Variants in FBN3 observed in about 807,000 individuals in gnomAD.
FBN3 encodes the protein fibrillin-3.
Under a neutral mutation model 330.1 loss-of-function variants are expected in FBN3, and 234 were observed. The ratio of observed to expected loss-of-function variants is 0.71; its 90% CI spans 0.64 to 0.79. The LOEUF (loss-of-function observed/expected upper bound fraction) is 0.79. Among genes scored for constraint, FBN3 ranks in the 30% least tolerant of loss-of-function variants. The pLI is 0.00. For synonymous variants in FBN3, 1,458 were observed against 1,517.3 expected (o/e 0.96, Z 0.91); for missense variants, 3,606 against 3,886.9 (o/e 0.93, Z 1.92).
chr19:8,140,405 A>G (rs1343580092), intron 8 of FBN3, among the ~76,000 whole-genome samples: 1 of 152,190 alleles, frequency 6.6e-6, no homozygotes, highest in Admixed American at 6.5e-5. Flanking sequence ...CGGAGGTTGC[A>G]GTGAGCCGAG....
At chr19:8,081,850 A>G (rs1353161352) in intron 57 of FBN3, among the ~76,000 whole-genome samples, 1 of 152,140 alleles carries the variant, frequency 6.6e-6, no homozygotes, top group Non-Finnish European at 1.5e-5. Flanking sequence ...ACACAACTGA[A>G]AAATATCAGG....
chr19:8,106,343 T>G, intron 37 of FBN3, 110 bp from the exon 38 acceptor site: 1 of 1,119,372 alleles, frequency 8.9e-7, no homozygotes, highest in Non-Finnish European at 1.3e-6. Context: ...GATCCCCAAG[T>G]GCTGTCCATG....
At chr19:8,116,895 G>C (rs1024186104) in intron 28 of FBN3, 96 bp from the exon 29 acceptor site, 12 of 1,467,248 alleles carry the variant, frequency 8.2e-6, no homozygotes, top group South Asian at 2.6e-5. Flanking sequence ...CTGTAGCCAG[G>C]TGAGGATAGC....
At position 8,066,752 on chromosome 19, in the gene FBN3, G is replaced by A. The variant is rs373786573; in HGVS notation, c.8089-492C>T. On this transcript the variant is annotated intron_variant, in intron 63 of 63. Transcript: ENST00000600128. ...AAATTAGCTGGGCGTGGTGGCGGGCGCCTGTAGTCCCAGCTACTTGGGAGG... is the reference window on the plus strand; with the variant it reads ...AAATTAGCTGGGCGTGGTGGCGGGCACCTGTAGTCCCAGCTACTTGGGAGG... Among the ~76,000 whole-genome samples, 37 of 152,270 alleles carry A rather than the reference G, an allele frequency of 2.4e-4. No individual in the cohort carries two copies. The East Asian group carries it at 6.0e-3, about 25-fold the overall frequency.
intron 63 of FBN3, among the ~76,000 whole-genome samples, chr19:8,068,592 C>T (rs1201552176): frequency 1.3e-5 from 2 of 151,460 alleles, no homozygotes; most frequent in African/African-American, 4.9e-5. Context: ...GTCTCAGCTA[C>T]TTGGGGGATT....
rs1354648475 is a variant in FBN3 at position 8,066,311 on chromosome 19, G to A, written c.8089-51C>T. 3.0e-6 allele frequency: 4 copies of A among 1,340,052 alleles called. No homozygotes were observed. In the African/African-American group the frequency reaches 4.4e-5, roughly 15 times the overall value. The allele number at this position is 1,340,052 out of a possible 1,614,324, so 83.0% of individuals were successfully genotyped here. Reference sequence around the variant, plus strand: ...TCAGAGCCCAGGAGAATCGGGATGTGGTGTGGGTAGGGGGTCCTCGGATTG... The same window carrying A: ...TCAGAGCCCAGGAGAATCGGGATGTAGTGTGGGTAGGGGGTCCTCGGATTG... On this transcript the variant is annotated intron_variant, in intron 63 of 63. Transcript: ENST00000600128.
intron 13 of FBN3, 25 bp downstream of exon 13, chr19:8,135,936 G>GTGCCCCCCCCC: frequency 1.5e-6 from 1 of 668,778 alleles, no homozygotes; most frequent in Non-Finnish European, 2.4e-6. Context: ...GGAAGCCCCT[G>GTGCCCCCCCCC]CCCACCCGCC....
At position 8,131,925 on chromosome 19, in the gene FBN3, T is replaced by C. The variant is rs1443798583; in HGVS notation, c.1715-96A>G. The C allele has an allele frequency of 8.2e-6, 11 of 1,341,340 alleles. No homozygotes were observed. In the East Asian group the frequency reaches 2.4e-4, roughly 30 times the overall value. 83.1% of individuals were successfully genotyped at this position (1,341,340 alleles called of 1,614,324 possible). A position where few individuals can be genotyped will look rare whatever the true frequency, so the allele number is the denominator to read the frequency against. ...AACATTTCCATCTTCCCAGCCATTC[T>C]ATTTCTTTCCTTTCCAGTTTCTTGT... On this transcript the variant is annotated intron_variant, in intron 14 of 63. Transcript: ENST00000600128. This position sits in a 1 kb window ranked among gnomAD's most constrained non-coding sequence, Gnocchi z 4.5.
rs992480663 is a variant in FBN3 at position 8,146,425 on chromosome 19, C to G, written c.251-200G>C. Reference sequence around the variant, plus strand: ...GGCTGGGCTGGGCAGGGTGTGTGACCCAGGCTGTGGGTTGGGGACTCTGCT... The same window carrying G: ...GGCTGGGCTGGGCAGGGTGTGTGACGCAGGCTGTGGGTTGGGGACTCTGCT... On this transcript the variant is annotated intron_variant, in intron 3 of 63. Transcript: ENST00000600128. Among the ~76,000 whole-genome samples, 3 of 152,192 alleles carry G rather than the reference C, an allele frequency of 2.0e-5. No homozygotes were observed. The South Asian group carries it at 6.2e-4, about 31-fold the overall frequency.
chr19:8,117,990 C>A (rs944685826), intron 26 of FBN3, among the ~76,000 whole-genome samples: 3 of 151,924 alleles, frequency 2.0e-5, no homozygotes, highest in Non-Finnish European at 4.4e-5. Context: ...ACATCCACAC[C>A]CAGGGGCACA....
At chr19:8,070,203 T>C (rs1324057964) in intron 63 of FBN3, among the ~76,000 whole-genome samples, 1 of 152,220 alleles carries the variant, frequency 6.6e-6, no homozygotes, top group African/African-American at 2.4e-5. Context: ...TACACTCACA[T>C]TTTATCTAAT....
At chr19:8,107,553 G>T in intron 37 of FBN3, among the ~76,000 whole-genome samples, 1 of 149,734 alleles carries the variant, frequency 6.7e-6, no homozygotes, top group African/African-American at 2.4e-5. Flanking sequence ...GGATGGTCGG[G>T]TGGAAGGATG....
rs779699517 is a variant in FBN3, at chr19:8,083,230, C to A, written c.7213+17G>T. The A allele has an allele frequency of 6.2e-7, 1 of 1,613,762 alleles. No homozygotes were observed. Among genetic ancestry groups the A allele is most frequent in the East Asian group, 2.2e-5 (1 of 44,886 alleles). On this transcript the variant is annotated intron_variant, in intron 57 of 63. Coordinates refer to ENST00000600128, the MANE Select transcript of FBN3 (RefSeq NM_032447.5). ...CCAGGCTGGGCCAAGGGTGCAGGTG[C>A]AGAGGGCTGGGCTCACCCAGGCAGG... is the stretch of plus-strand genomic sequence containing the variant.
At chr19:8,141,691 C>A in intron 8 of FBN3, 26 bp downstream of exon 8, 1 of 1,602,040 alleles carries the variant, frequency 6.2e-7, no homozygotes, top group South Asian at 1.1e-5. Flanking sequence ...GAGGAGGTCT[C>A]AGGTTGTCCC....
In FBN3 at chr19:8,111,098, C is replaced by T. The variant is rs1723652235; in HGVS notation, c.4170G>A (p.Glu1390=). 7 of 1,613,698 alleles carry T rather than the reference C, an allele frequency of 4.3e-6. No homozygotes were observed. Among genetic ancestry groups the T allele is most frequent in the Non-Finnish European group, 5.9e-6 (7 of 1,179,764 alleles). The part of the protein sequence containing the change: ...NAPGGYRCEC[E]MGFDPTEDHR... ...GGTCCTCGGTGGGGTCAAAGCCCATCTCACATTCACAGCGGTACCCGCCGG... is the reference window on the plus strand; with the variant it reads ...GGTCCTCGGTGGGGTCAAAGCCCATTTCACATTCACAGCGGTACCCGCCGG... Residue 1390 remains glutamate (E), a synonymous_variant, in exon 33 of 64, where the codon GAG becomes GAA. Transcript: ENST00000600128.
At chr19:8,098,781 T>C (rs930912604) in intron 41 of FBN3, among the ~76,000 whole-genome samples, 2 of 152,034 alleles carry the variant, frequency 1.3e-5, no homozygotes, top group Non-Finnish European at 2.9e-5. Flanking sequence ...TCAATAAAAC[T>C]GTTATAAACA....
In FBN3 at chr19:8,121,744, C is replaced by T. The variant is rs1207287016; in HGVS notation, c.3083-358G>A. ...GTTTTATTTTATTTTATTTTTATTACTTATTTATTTATTTACTTTTTTAGA... is the reference window on the plus strand; with the variant it reads ...GTTTTATTTTATTTTATTTTTATTATTTATTTATTTATTTACTTTTTTAGA... On this transcript the variant is annotated intron_variant, in intron 24 of 63. Coordinates refer to ENST00000600128, the MANE Select transcript of FBN3 (RefSeq NM_032447.5). This position sits in a 1 kb window ranked among gnomAD's most constrained non-coding sequence, Gnocchi z 4.5. Among the ~76,000 whole-genome samples, 2 of 151,724 alleles carry T rather than the reference C, an allele frequency of 1.3e-5. No homozygotes were observed. The highest frequency in any genetic ancestry group is 2.4e-5 in the African/African-American group (1 of 41,314).
At position 8,131,719 on chromosome 19, in the gene FBN3, G is replaced by A. The variant is rs550136527; in HGVS notation, c.1825C>T (p.Arg609Cys). 37 of 1,613,852 alleles carry A rather than the reference G, an allele frequency of 2.3e-5. No homozygotes were observed. In the Admixed American group the frequency reaches 2.3e-4, roughly 10 times the overall value. Residue 609 changes from arginine to cysteine, a missense_variant, in exon 15 of 64, where the codon CGC becomes TGC. Physicochemically the swap from Arg to Cys is radical, Grantham distance 180 (BLOSUM62 -3). Transcript: ENST00000600128. This position sits in a 1 kb window ranked among gnomAD's most constrained non-coding sequence, Gnocchi z 4.5. The stretch of plus-strand genomic sequence containing the variant: ...CGCACGTGGGTGTCCACGCACACGC[G>A]GCCATCCGTGCCTACCGCCAGCCCC... ...LGGLAVGTDG[R>C]VCVDTHVRST...
At chr19:8,090,978 T>C (rs2082083895) in intron 48 of FBN3, among the ~76,000 whole-genome samples, 1 of 152,100 alleles carries the variant, frequency 6.6e-6, no homozygotes, top group South Asian at 2.1e-4. Flanking sequence ...ACCTATCAAG[T>C]CCTCACCAGC....
Sources: allele counts gnomAD v4.1 joint callset (sites outside exome capture counted in the v4.1 genomes callset), GRCh38; gene constraint gnomAD v4.1.1; non-coding constraint Gnocchi (gnomAD v3.1); transcripts MANE v1.5; gene names NCBI Gene and HGNC (gene_info 2026-07-23, HGNC 2026-07-21).